Variants in CTNNA2 observed in about 807,000 individuals in gnomAD.
The protein encoded by CTNNA2 is catenin alpha-2.
A neutral mutation model predicts 101.0 loss-of-function variants in CTNNA2; 42 were observed. The observed-to-expected ratio is 0.42, with a 90% confidence interval of 0.32 to 0.54. The LOEUF (loss-of-function observed/expected upper bound fraction) is 0.54. CTNNA2 is among the 20% of genes least tolerant of loss of function. The pLI, the probability that CTNNA2 is intolerant of heterozygous loss-of-function variation, is 0.14. For synonymous variants in CTNNA2, 450 were observed against 456.4 expected (o/e 0.99, Z 0.18); for missense variants, 871 against 1,223.1 (o/e 0.71, Z 4.29).
intron 2 of CTNNA2, among the ~76,000 whole-genome samples, chr2:79,241,102 A>G (rs934067401): frequency 6.6e-6 from 1 of 152,182 alleles, no homozygotes; most frequent in Non-Finnish European, 1.5e-5. Flanking sequence ...AGTTTCACAC[A>G]CTGTAAACTA....
chr2:79,306,351 A>G (rs12478909), intron 2 of CTNNA2, among the ~76,000 whole-genome samples: 5,650 of 152,312 alleles, frequency 0.037, 135 homozygotes, highest in Non-Finnish European at 0.055. Flanking sequence ...TACTAAATAG[A>G]TGTTGTGTTG....
chr2:79,832,865 C>T (rs1679027104), intron 3 of CTNNA2, among the ~76,000 whole-genome samples: 1 of 152,190 alleles, frequency 6.6e-6, no homozygotes, highest in Non-Finnish European at 1.5e-5. Flanking sequence ...GACAGTTCTC[C>T]TTCGACCATT....
intron 7 of CTNNA2, among the ~76,000 whole-genome samples, chr2:80,301,258 C>T (rs769113531): frequency 6.6e-6 from 1 of 152,202 alleles, no homozygotes; most frequent in Non-Finnish European, 1.5e-5. Context: ...CAATGTGCTC[C>T]AGAAGCACAG....
chr2:79,466,994 C>A (rs1326478070), intron 4 of CTNNA2, among the ~76,000 whole-genome samples: 1 of 152,212 alleles, frequency 6.6e-6, no homozygotes, highest in East Asian at 1.9e-4. Context: ...AGGAATGCAG[C>A]TCCTCGCTAA....
At chr2:80,163,438 C>T (rs867249523) in intron 7 of CTNNA2, among the ~76,000 whole-genome samples, 8 of 152,078 alleles carry the variant, frequency 5.3e-5, no homozygotes, top group Middle Eastern at 3.4e-3. Context: ...CTACTGATTT[C>T]AAGTTTGATT....
intron 4 of CTNNA2, among the ~76,000 whole-genome samples, chr2:79,499,763 T>C (rs935237423): frequency 2.0e-5 from 3 of 152,232 alleles, no homozygotes; most frequent in Non-Finnish European, 4.4e-5. Flanking sequence ...AGAATGCTCC[T>C]ACATGGAGCC....
intron 2 of CTNNA2, among the ~76,000 whole-genome samples, chr2:79,226,415 C>T (rs1674409728): frequency 6.6e-6 from 1 of 151,902 alleles, no homozygotes; most frequent in African/African-American, 2.4e-5. Flanking sequence ...TAGCACAGTC[C>T]CTGGCTCATA....
intron 7 of CTNNA2, among the ~76,000 whole-genome samples, chr2:80,206,520 T>C (rs774608706): frequency 2.0e-5 from 3 of 152,236 alleles, no homozygotes. Flanking sequence ...TTTAATAAGC[T>C]TCTGTGGAGA....
intron 3 of CTNNA2, among the ~76,000 whole-genome samples, chr2:79,325,557 A>G (rs749466134): frequency 2.0e-5 from 3 of 152,232 alleles, no homozygotes; most frequent in Non-Finnish European, 2.9e-5. Flanking sequence ...GGTAAAATCA[A>G]TCAGGAAAAA....
chr2:79,817,796 T>C (rs187195552), intron 3 of CTNNA2, among the ~76,000 whole-genome samples: 232 of 152,318 alleles, frequency 1.5e-3, no homozygotes, highest in Non-Finnish European at 2.6e-3. Flanking sequence ...AGAATATTAA[T>C]GACAGGCTGG....
At chr2:79,896,409 TCTAA>T (rs1331475152) in intron 6 of CTNNA2, among the ~76,000 whole-genome samples, 1 of 152,174 alleles carries the variant, frequency 6.6e-6, no homozygotes, top group Non-Finnish European at 1.5e-5. Context: ...AATGTACATA[TCTAA>T]CTAAAAGGCC....
At chr2:80,484,157 G>GTTTTTTAAT (rs1437644727) in intron 9 of CTNNA2, among the ~76,000 whole-genome samples, 23 of 152,098 alleles carry the variant, frequency 1.5e-4, no homozygotes, top group Non-Finnish European at 2.9e-4. Flanking sequence ...CCAAACATTG[G>GTTTTTTAAT]TTTTTTAATT....
upstream of CTNNA2, among the ~76,000 whole-genome samples, chr2:79,508,979 A>C (rs1224923397): frequency 7.9e-5 from 3 of 37,818 alleles, no homozygotes. Context: ...ATATATATAT[A>C]TATATATATA....
chr2:80,068,447 T>C (rs1698118040), intron 7 of CTNNA2, among the ~76,000 whole-genome samples: 1 of 152,236 alleles, frequency 6.6e-6, no homozygotes, highest in Non-Finnish European at 1.5e-5. Context: ...CCTTCATCTC[T>C]CTTTAACTGG....
At chr2:80,362,674 T>C (rs189747630) in intron 7 of CTNNA2, among the ~76,000 whole-genome samples, 2 of 152,236 alleles carry the variant, frequency 1.3e-5, no homozygotes, top group East Asian at 3.9e-4. Context: ...AAGAATCTTT[T>C]TGCAACAAAA....
At chr2:80,054,150 A>G (rs546776521) in intron 7 of CTNNA2, among the ~76,000 whole-genome samples, 2 of 151,974 alleles carry the variant, frequency 1.3e-5, no homozygotes, top group Non-Finnish European at 2.9e-5. Flanking sequence ...ATGAAATCAG[A>G]TGGGGGTTTG....
intron 1 of CTNNA2, among the ~76,000 whole-genome samples, chr2:79,608,925 A>C (rs1339872347): frequency 6.6e-6 from 1 of 152,010 alleles, no homozygotes; most frequent in Non-Finnish European, 1.5e-5. Flanking sequence ...GGGAGGAACA[A>C]AATATGTAGA....
intron 7 of CTNNA2, among the ~76,000 whole-genome samples, chr2:80,206,182 C>T (rs929247766): frequency 1.3e-5 from 2 of 152,136 alleles, no homozygotes; most frequent in Admixed American, 6.5e-5. Flanking sequence ...AGAATGTAGA[C>T]CTGAACTTTT....
intron 7 of CTNNA2, among the ~76,000 whole-genome samples, chr2:80,279,104 G>A (rs1036021302): frequency 6.8e-6 from 1 of 146,958 alleles, no homozygotes; most frequent in Non-Finnish European, 1.5e-5. Context: ...GAGAGAGAGA[G>A]AGAAGTGAAG....
Sources: gnomAD v4.1 joint callset for allele counts (sites outside exome capture counted in the v4.1 genomes callset) on GRCh38, gnomAD v4.1.1 for gene constraint, MANE v1.5 for transcripts, NCBI Gene and HGNC (gene_info 2026-07-23, HGNC 2026-07-21) for gene names.